Variants in NSMCE2 observed in about 807,000 individuals in gnomAD.
NSMCE2 encodes the protein NSE2 SUMO ligase component of SMC5/6 complex, also known as E3 SUMO-protein ligase NSE2.
NSMCE2 carries 24 observed loss-of-function variants against 23.8 expected under a neutral mutation model. That is an observed-to-expected ratio of 1.01 (90% CI 0.73 to 1.42). The LOEUF is 1.42. Ranked by LOEUF, NSMCE2 falls within the 40% of genes most tolerant of loss-of-function variation. The probability of loss-of-function intolerance (pLI) is 0.00; values close to 1 mark genes in which losing one functional copy is unlikely to be tolerated. For missense variants in NSMCE2, 284 were observed against 296.5 expected, an observed-to-expected ratio of 0.96 and a Z score of 0.31; for synonymous variants, 92 against 94.1, an observed-to-expected ratio of 0.98 and a Z score of 0.13.
At chr8:125,322,995 G>A (rs559125868) in intron 5 of NSMCE2, among the ~76,000 whole-genome samples, 1 of 152,290 alleles carries the variant, frequency 6.6e-6, no homozygotes, top group Non-Finnish European at 1.5e-5. Flanking sequence ...GGTTTCGGAG[G>A]TTGCAGTGAG....
intron 5 of NSMCE2, among the ~76,000 whole-genome samples, chr8:125,202,439 A>G (rs542586236): frequency 4.6e-5 from 7 of 152,352 alleles, no homozygotes; most frequent in Middle Eastern, 3.4e-3. Context: ...TGTCTAAACC[A>G]TGGAAAGATA....
chr8:125,103,120 C>T (rs1227988076), intron 3 of NSMCE2, among the ~76,000 whole-genome samples: 8 of 151,904 alleles, frequency 5.3e-5, no homozygotes, highest in Non-Finnish European at 1.0e-4. Flanking sequence ...ACAAAACCAA[C>T]ATGGTGAAAC....
intron 7 of NSMCE2, among the ~76,000 whole-genome samples, chr8:125,363,633 G>A (rs1488800392): frequency 1.6e-5 from 2 of 122,214 alleles, no homozygotes; most frequent in Non-Finnish European, 3.4e-5. Flanking sequence ...AAGAAGGAAG[G>A]AAGAAGAGAG....
intron 5 of NSMCE2, among the ~76,000 whole-genome samples, chr8:125,307,970 C>CA (rs1324707508): frequency 6.6e-6 from 1 of 151,922 alleles, no homozygotes; most frequent in African/African-American, 2.4e-5. Flanking sequence ...TTTTCAATTT[C>CA]TTTTTTTTAA....
At chr8:125,171,261 A>G (rs1822192258) in intron 4 of NSMCE2, among the ~76,000 whole-genome samples, 1 of 152,192 alleles carries the variant, frequency 6.6e-6, no homozygotes, top group South Asian at 2.1e-4. Flanking sequence ...TACAAACTCC[A>G]CAAGGGCAGG....
chr8:125,285,557 G>C (rs1243318692), intron 5 of NSMCE2, among the ~76,000 whole-genome samples: 2 of 152,110 alleles, frequency 1.3e-5, no homozygotes, highest in African/African-American at 4.8e-5. Context: ...TGACATAACA[G>C]ATGTTTTACT....
chr8:125,150,426 C>CTTTTT (rs71295819), intron 3 of NSMCE2, among the ~76,000 whole-genome samples: 644 of 61,914 alleles, frequency 0.01, 10 homozygotes, highest in Middle Eastern at 0.02. Context: ...TTCTTTCTTT[C>CTTTTT]TTTTTTTTTT....
intron 3 of NSMCE2, among the ~76,000 whole-genome samples, chr8:125,132,087 ATTC>A (rs1422047079): frequency 1.3e-5 from 2 of 152,086 alleles, no homozygotes; most frequent in African/African-American, 4.8e-5. Flanking sequence ...GTGTATTCAT[ATTC>A]TTCTTCTTCT....
chr8:125,206,281 G>A lies in NSMCE2; in HGVS notation c.418+24025G>A, dbSNP rs1824115416. 2.0e-5 allele frequency among the ~76,000 whole-genome samples: 3 copies of A among 152,350 alleles called. 1 individual carries two copies. In the South Asian group the frequency reaches 6.2e-4, roughly 32 times the overall value. The stretch of plus-strand genomic sequence containing the variant: ...ATGGGAGAAAAGATTACAAGGGTAA[G>A]TTGGGACAGATTTATGGAGTTACTT... On this transcript the variant is annotated intron_variant, in intron 5 of 7. Transcript: ENST00000287437.
Position 125,321,411 on chromosome 8 carries a change from C to T in NSMCE2, c.419-35808C>T, listed in dbSNP as rs1006919343. 5.9e-5 allele frequency among the ~76,000 whole-genome samples: 9 copies of T among 152,308 alleles called. No individual in the cohort carries two copies. The East Asian group carries it at 1.7e-3, about 29-fold the overall frequency. On this transcript the variant is annotated intron_variant, in intron 5 of 7. Transcript: ENST00000287437. ...GAATTATACTGTTTTAAGGCTCTTA[C>T]ACTATAGAGCCCAGGCAACTGGCTT... is the stretch of plus-strand genomic sequence containing the variant.
chr8:125,093,459 C>T (rs951520884), intron 1 of NSMCE2, among the ~76,000 whole-genome samples: 26 of 152,050 alleles, frequency 1.7e-4, no homozygotes, highest in Non-Finnish European at 3.1e-4. Context: ...GAGGCCAAGG[C>T]GGGCGGATCA....
At chr8:125,338,531 A>G (rs1198874993) in intron 5 of NSMCE2, among the ~76,000 whole-genome samples, 1 of 152,218 alleles carries the variant, frequency 6.6e-6, no homozygotes, top group African/African-American at 2.4e-5. Context: ...TAGAAAACCA[A>G]TGGTCCTTTT....
At chr8:125,193,579 G>A (rs1339384478) in intron 5 of NSMCE2, among the ~76,000 whole-genome samples, 1 of 152,060 alleles carries the variant, frequency 6.6e-6, no homozygotes, top group Non-Finnish European at 1.5e-5. Context: ...TCTATAAAGA[G>A]TCTATATAGT....
intron 3 of NSMCE2, among the ~76,000 whole-genome samples, chr8:125,115,440 T>G (rs898699989): frequency 6.6e-6 from 1 of 152,224 alleles, no homozygotes; most frequent in Non-Finnish European, 1.5e-5. Flanking sequence ...CTTGGAAATA[T>G]GTGAAAGATG....
At chr8:125,111,963 C>G (rs1189486083) in intron 3 of NSMCE2, among the ~76,000 whole-genome samples, 1 of 152,078 alleles carries the variant, frequency 6.6e-6, no homozygotes, top group East Asian at 1.9e-4. Context: ...TATTAGGAGT[C>G]TAGTTGAGTC....
At chr8:125,279,659 C>T (rs544807539) in intron 5 of NSMCE2, among the ~76,000 whole-genome samples, 14 of 152,086 alleles carry the variant, frequency 9.2e-5, no homozygotes, top group African/African-American at 3.4e-4. Context: ...TTTTTGAATC[C>T]GAGTTGAATC....
chr8:125,143,355 A>G (rs1820486001), intron 3 of NSMCE2, among the ~76,000 whole-genome samples: 1 of 152,224 alleles, frequency 6.6e-6, no homozygotes, highest in South Asian at 2.1e-4. Flanking sequence ...TCTGTTTCAG[A>G]AAGTAAAATC....
At chr8:125,219,551 A>G (rs930790331) in intron 5 of NSMCE2, among the ~76,000 whole-genome samples, 2 of 152,226 alleles carry the variant, frequency 1.3e-5, no homozygotes, top group African/African-American at 2.4e-5. Context: ...AACTCTGAAC[A>G]CATTTCATTC....
At chr8:125,358,429 T>G (rs942002495) in intron 7 of NSMCE2, among the ~76,000 whole-genome samples, 1 of 150,378 alleles carries the variant, frequency 6.6e-6, no homozygotes, top group African/African-American at 2.4e-5. Flanking sequence ...TAAATAGACA[T>G]AATATATATT....
Sources: allele counts gnomAD v4.1 joint callset (sites outside exome capture counted in the v4.1 genomes callset), GRCh38; gene constraint gnomAD v4.1.1; transcripts MANE v1.5; gene names NCBI Gene and HGNC (gene_info 2026-07-23, HGNC 2026-07-21).